Variants in PKP4 observed in about 807,000 individuals in gnomAD.
PKP4 encodes the protein plakophilin-4.
PKP4 carries 90 observed loss-of-function variants against 145.1 expected under a neutral mutation model. That is an observed-to-expected ratio of 0.62 (90% CI 0.52 to 0.74). PKP4 has a LOEUF of 0.74. PKP4 is among the 30% of genes least tolerant of loss of function. The pLI is 0.00. For missense variants in PKP4, 1,340 were observed against 1,482.7 expected, an observed-to-expected ratio of 0.90 and a Z score of 1.58; for synonymous variants, 563 against 577.2, an observed-to-expected ratio of 0.98 and a Z score of 0.35.
chr2:158,659,633 A>G (rs1398764829), intron 12 of PKP4: 2 of 152,252 alleles, frequency 1.3e-5, no homozygotes, highest in Admixed American at 1.3e-4. Context: ...TTAAGCCTAC[A>G]TCTGAAATAC....
intron 1 of PKP4, among the ~76,000 whole-genome samples, chr2:158,475,097 G>C (rs191969593): frequency 1.3e-5 from 2 of 152,168 alleles, no homozygotes; most frequent in African/African-American, 2.4e-5. Flanking sequence ...ATGAATTAGC[G>C]ATTGTGTTGT....
rs532525695 is a variant in PKP4 at position 158,503,840 on chromosome 2, A to G, written c.-5-29340A>G. 5.9e-5 allele frequency among the ~76,000 whole-genome samples: 9 copies of G among 152,238 alleles called. No individual in the cohort carries two copies. In the East Asian group the frequency reaches 1.7e-3, roughly 29 times the overall value. On this transcript the variant is annotated intron_variant, in intron 1 of 21. Coordinates refer to ENST00000389759, the MANE Select transcript of PKP4 (RefSeq NM_003628.6). ...GAATGTATACCACAATCACCTGGAT[A>G]GATTGCTAAAAACAGGTTGCTGGGC...
chr2:158,524,485 C>A (rs979438202), intron 1 of PKP4, among the ~76,000 whole-genome samples: 1 of 118,940 alleles, frequency 8.4e-6, no homozygotes, highest in African/African-American at 3.3e-5. Context: ...GAAGGAAGCA[C>A]TAAACATGGA....
intron 11 of PKP4, among the ~76,000 whole-genome samples, chr2:158,653,562 A>G (rs2055608072): frequency 6.6e-6 from 1 of 152,226 alleles, no homozygotes; most frequent in Non-Finnish European, 1.5e-5. Flanking sequence ...CGTTTTCTAC[A>G]ATAATATGCA....
chr2:158,566,089 C>T (rs1377993913), intron 2 of PKP4, among the ~76,000 whole-genome samples: 1 of 152,032 alleles, frequency 6.6e-6, no homozygotes, highest in African/African-American at 2.4e-5. Context: ...AAAAGTAAAC[C>T]TAGTATAGTC....
chr2:158,526,065 A>G (rs1166913991), intron 1 of PKP4, among the ~76,000 whole-genome samples: 2 of 151,714 alleles, frequency 1.3e-5, no homozygotes, highest in African/African-American at 4.9e-5. Context: ...ACAAGGAGGA[A>G]CTGGTACCAT....
In PKP4 at chr2:158,661,391, G is replaced by A. The variant is rs559445216; in HGVS notation, c.2152G>A (p.Val718Ile). The A allele has an allele frequency of 3.7e-6, 6 of 1,613,932 alleles. No homozygotes were observed. In the East Asian group the frequency reaches 8.9e-5, roughly 24 times the overall value. The change falls in exon 13 of 22, where the codon GTA becomes ATA. Residue 718 changes from valine to isoleucine, a missense_variant. Transcript: ENST00000389759. ...GCAAATGCGGTCCTGCGAGGGGCTG[G>A]TAGACTCACTGTTGTATGTGATCCA... ...RKQMRSCEGLVDSLLYVIHTC... is the reference protein window; with the variant it reads ...RKQMRSCEGLIDSLLYVIHTC...
intron 1 of PKP4, among the ~76,000 whole-genome samples, chr2:158,526,805 A>G (rs62182708): frequency 0.075 from 3,207 of 42,970 alleles, 126 homozygotes; most frequent in Middle Eastern, 0.14. Context: ...TACAAAATCA[A>G]TTTACAAAAA....
intron 3 of PKP4, among the ~76,000 whole-genome samples, chr2:158,595,111 A>G (rs1223287636): frequency 6.6e-6 from 1 of 152,170 alleles, no homozygotes; most frequent in Non-Finnish European, 1.5e-5. Context: ...TCTCTAGTGT[A>G]AAGAATTTAT....
chr2:158,477,203 A>G (rs1170394814), intron 1 of PKP4, among the ~76,000 whole-genome samples: 2 of 152,188 alleles, frequency 1.3e-5, no homozygotes, highest in South Asian at 2.1e-4. Flanking sequence ...GACCAAGGAA[A>G]GATGTTAGAG....
intron 1 of PKP4, among the ~76,000 whole-genome samples, chr2:158,509,540 A>G (rs1263490811): frequency 6.6e-6 from 1 of 152,234 alleles, no homozygotes; most frequent in Non-Finnish European, 1.5e-5. Flanking sequence ...ACATAAGACA[A>G]TCAAGACTTT....
chr2:158,654,645 G>T, intron 11 of PKP4, among the ~76,000 whole-genome samples: 1 of 152,026 alleles, frequency 6.6e-6, no homozygotes, highest in East Asian at 1.9e-4. Context: ...ATCTGTTTTG[G>T]TCTCAATGTG....
At chr2:158,476,456 A>C (rs1244639829) in intron 1 of PKP4, among the ~76,000 whole-genome samples, 1 of 152,064 alleles carries the variant, frequency 6.6e-6, no homozygotes, top group Non-Finnish European at 1.5e-5. Flanking sequence ...TCAGCCTCCC[A>C]AGTAGCTGGG....
At chr2:158,516,446 A>T (rs2041945573) in intron 1 of PKP4, among the ~76,000 whole-genome samples, 1 of 152,172 alleles carries the variant, frequency 6.6e-6, no homozygotes, top group Non-Finnish European at 1.5e-5. Context: ...TGAGAATTTT[A>T]AATTGAATCT....
chr2:158,464,218 T>A (rs923459599), intron 1 of PKP4, among the ~76,000 whole-genome samples: 3 of 152,242 alleles, frequency 2.0e-5, no homozygotes, highest in African/African-American at 2.4e-5. Context: ...CTGACAGAGT[T>A]GCTCCTCTGA....
chr2:158,513,573 G>T (rs1384270481), intron 1 of PKP4, among the ~76,000 whole-genome samples: 1 of 152,058 alleles, frequency 6.6e-6, no homozygotes, highest in Non-Finnish European at 1.5e-5. Context: ...TTTCCTCACG[G>T]TTGCTTCCTA....
intron 1 of PKP4, among the ~76,000 whole-genome samples, chr2:158,460,887 G>C (rs1689664519): frequency 1.3e-5 from 2 of 152,184 alleles, no homozygotes; most frequent in Non-Finnish European, 2.9e-5. Flanking sequence ...CATAACACCA[G>C]AGGACTAGGT....
intron 4 of PKP4, among the ~76,000 whole-genome samples, chr2:158,617,186 G>A (rs932467752): frequency 1.8e-4 from 28 of 152,110 alleles, no homozygotes; most frequent in African/African-American, 6.5e-4. Context: ...GCAGTCTTAG[G>A]CACAAATGGA....
At chr2:158,618,620 A>G (rs2051883015) in intron 4 of PKP4, among the ~76,000 whole-genome samples, 1 of 152,220 alleles carries the variant, frequency 6.6e-6, no homozygotes, top group Non-Finnish European at 1.5e-5. Context: ...ATAGCTTCTC[A>G]TAAGGAAGAG....
Sources: gnomAD v4.1 joint callset for allele counts (sites outside exome capture counted in the v4.1 genomes callset) on GRCh38, gnomAD v4.1.1 for gene constraint, MANE v1.5 for transcripts, NCBI Gene and HGNC (gene_info 2026-07-23, HGNC 2026-07-21) for gene names.